PHACTR1: variants seen among roughly 807,000 people sequenced by gnomAD.
PHACTR1 encodes the protein RPEL repeat containing 1.
In PHACTR1, 16 loss-of-function variants were observed where a neutral mutation model predicts 69.2. The observed-to-expected ratio is 0.23, with a 90% confidence interval of 0.16 to 0.35. The LOEUF (loss-of-function observed/expected upper bound fraction) is 0.35. Ranked by LOEUF, PHACTR1 falls within the 10% of genes least tolerant of loss-of-function variation. The pLI is 1.00. For missense variants in PHACTR1, 510 were observed against 734.7 expected (o/e 0.69, Z 3.54); for synonymous variants, 312 against 284.5 (o/e 1.10, Z -0.97).
chr6:12,849,533 G>A (rs756136364), intron 4 of PHACTR1, among the ~76,000 whole-genome samples: 21 of 152,306 alleles, frequency 1.4e-4, no homozygotes, highest in South Asian at 4.1e-4. Context: ...GACAGGCTGA[G>A]CATGTAGGTC....
chr6:12,999,313 G>A (rs933519695), intron 4 of PHACTR1, among the ~76,000 whole-genome samples: 16 of 152,188 alleles, frequency 1.1e-4, no homozygotes, highest in Admixed American at 9.2e-4. Context: ...CTTAAAATAC[G>A]TTGAGGCCGG....
At chr6:13,187,297 A>C (rs948521332) in intron 7 of PHACTR1, among the ~76,000 whole-genome samples, 1 of 152,222 alleles carries the variant, frequency 6.6e-6, no homozygotes, top group Non-Finnish European at 1.5e-5. Context: ...GTTAGCAGTA[A>C]CACTTGCAAT....
In PHACTR1 at chr6:12,736,884, T is replaced by C. The variant is rs565578921; in HGVS notation, c.104-12760T>C. Among the ~76,000 whole-genome samples, 48 of 152,290 alleles carry C rather than the reference T, an allele frequency of 3.2e-4. No individual in the cohort carries two copies. In the South Asian group the frequency reaches 8.7e-3, roughly 28 times the overall value. On this transcript the variant is annotated intron_variant, in intron 3 of 14. Transcript: ENST00000332995. ...CTCCATTTGCTCTCTCTTGTCTCTA[T>C]TGATCTATTCGTCTAGAGAGGAGTG...
intron 7 of PHACTR1, among the ~76,000 whole-genome samples, chr6:13,191,295 A>G (rs1763559996): frequency 6.6e-6 from 1 of 152,208 alleles, no homozygotes; most frequent in Non-Finnish European, 1.5e-5. Flanking sequence ...GATAATTTGA[A>G]GGTGTTCTGT....
intron 5 of PHACTR1, among the ~76,000 whole-genome samples, chr6:13,112,869 T>A (rs1817256101): frequency 6.6e-6 from 1 of 152,178 alleles, no homozygotes; most frequent in Non-Finnish European, 1.5e-5. Flanking sequence ...CAGAAGCTCT[T>A]AAGTATAATT....
rs368830426 is a variant in PHACTR1, at chr6:13,229,224, C to T, written c.1235-813C>T. On this transcript the variant is annotated intron_variant, in intron 9 of 14. Transcript: ENST00000332995. ...TTCTTTGGTGTGGGGCCGTCCTGTACACTGTGGGATGTTTACAGGCATCCC... is the reference window on the plus strand; with the variant it reads ...TTCTTTGGTGTGGGGCCGTCCTGTATACTGTGGGATGTTTACAGGCATCCC... 6.4e-4 allele frequency among the ~76,000 whole-genome samples: 98 copies of T among 152,368 alleles called. 1 individual carries two copies. In the South Asian group the frequency reaches 0.02, roughly 31 times the overall value.
chr6:13,063,214 C>G (rs1459461959), intron 5 of PHACTR1, among the ~76,000 whole-genome samples: 1 of 152,132 alleles, frequency 6.6e-6, no homozygotes, highest in African/African-American at 2.4e-5. Context: ...GCCCCTACCT[C>G]CCAAAGGTTA....
At chr6:12,737,398 TACAC>T (rs3071780) in intron 3 of PHACTR1, among the ~76,000 whole-genome samples, 10 of 149,476 alleles carry the variant, frequency 6.7e-5, no homozygotes, top group Non-Finnish European at 1.2e-4. Context: ...TATTGTTTTA[TACAC>T]ACACACACAC....
chr6:12,806,053 A>G (rs1459455534), intron 4 of PHACTR1, among the ~76,000 whole-genome samples: 4 of 152,030 alleles, frequency 2.6e-5, no homozygotes, highest in African/African-American at 7.2e-5. Flanking sequence ...CCTTTTTCCC[A>G]AATATAGCTC....
intron 4 of PHACTR1, among the ~76,000 whole-genome samples, chr6:12,924,125 A>G (rs116085978): frequency 0.013 from 1,988 of 152,332 alleles, 48 homozygotes; most frequent in African/African-American, 0.045. Flanking sequence ...TTTAGATGAT[A>G]TAAAATATTT....
rs145145067 is a variant in PHACTR1 at position 13,014,030 on chromosome 6, G to T, written c.251-39335G>T. Among the ~76,000 whole-genome samples, 209 of 152,228 alleles carry T rather than the reference G, an allele frequency of 1.4e-3. 1 individual carries two copies. Among genetic ancestry groups the T allele is most frequent in the Non-Finnish European group, 2.5e-3 (172 of 67,986 alleles). On this transcript the variant is annotated intron_variant, in intron 4 of 14. Transcript: ENST00000332995. ...TGCTGAGGATGAAGCCCCTGAAGGA[G>T]CCCGCCCCCAACAACAACAACAACG... is the stretch of plus-strand genomic sequence containing the variant.
chr6:12,821,226 T>C lies in PHACTR1; in HGVS notation c.250+71436T>C, dbSNP rs140308573. On this transcript the variant is annotated intron_variant, in intron 4 of 14. Transcript: ENST00000332995. ...CCTGTAATCCTAGCACTTTGTGAGG[T>C]CAAGGCAGTTGGATGACCTGAGGTC... 7.1e-3 allele frequency among the ~76,000 whole-genome samples: 1,079 copies of C among 152,016 alleles called. 17 individuals carry two copies. Among genetic ancestry groups the C allele is most frequent in the African/African-American group, 0.025 (1,027 of 41,476 alleles).
chr6:12,945,408 G>C (rs1790570238), intron 4 of PHACTR1, among the ~76,000 whole-genome samples: 1 of 152,192 alleles, frequency 6.6e-6, no homozygotes. Context: ...TGTTCATCTT[G>C]CTGTCGAGAA....
At chr6:12,848,512 G>A (rs1049465045) in intron 4 of PHACTR1, among the ~76,000 whole-genome samples, 2 of 152,164 alleles carry the variant, frequency 1.3e-5, no homozygotes, top group Non-Finnish European at 2.9e-5. Context: ...ATTTGGAAAT[G>A]TAATAGCATT....
intron 10 of PHACTR1, among the ~76,000 whole-genome samples, chr6:13,270,942 C>T (rs1233849454): frequency 6.6e-6 from 1 of 151,496 alleles, no homozygotes; most frequent in Non-Finnish European, 1.5e-5. Context: ...GAAGAAGGCA[C>T]ATCACATGGC....
At chr6:13,255,988 C>T (rs372381519) in intron 10 of PHACTR1, among the ~76,000 whole-genome samples, 7 of 152,236 alleles carry the variant, frequency 4.6e-5, no homozygotes, top group Non-Finnish European at 1.0e-4. Flanking sequence ...TTTCCCTCTG[C>T]GCTGCCTTAG....
At chr6:12,859,504 C>A (rs1780730579) in intron 4 of PHACTR1, among the ~76,000 whole-genome samples, 1 of 152,158 alleles carries the variant, frequency 6.6e-6, no homozygotes, top group Non-Finnish European at 1.5e-5. Context: ...ACCAATGATG[C>A]TATGCTAAGT....
At chr6:13,184,581 C>T (rs914903409) in intron 7 of PHACTR1, among the ~76,000 whole-genome samples, 2 of 152,154 alleles carry the variant, frequency 1.3e-5, no homozygotes, top group Non-Finnish European at 2.9e-5. Flanking sequence ...TTGCTCTTCC[C>T]GCCTCCACTC....
chr6:12,916,629 T>C (rs1787041111), intron 4 of PHACTR1, among the ~76,000 whole-genome samples: 1 of 151,384 alleles, frequency 6.6e-6, no homozygotes, highest in South Asian at 2.1e-4. Flanking sequence ...AATGGATGAA[T>C]GATGAAAAGA....
Sources: allele counts gnomAD v4.1 joint callset (sites outside exome capture counted in the v4.1 genomes callset), GRCh38; gene constraint gnomAD v4.1.1; transcripts MANE v1.5; gene names NCBI Gene and HGNC (gene_info 2026-07-23, HGNC 2026-07-21).